Variants in HSPBP1 observed in about 807,000 individuals in gnomAD.
HSPBP1 encodes hsp70-binding protein 1.
In HSPBP1, 31 loss-of-function variants were observed where a neutral mutation model predicts 41.7. That is an observed-to-expected ratio of 0.74 (90% CI 0.56 to 1.00). The LOEUF (loss-of-function observed/expected upper bound fraction) is 1.00. Ranked by LOEUF, HSPBP1 falls within the 50% of genes least tolerant of loss-of-function variation. The pLI is 0.00. For synonymous variants in HSPBP1, 199 were observed against 214.4 expected (o/e 0.93, Z 0.63); for missense variants, 439 against 487.9 (o/e 0.90, Z 0.94).
rs1396102795 is a variant in HSPBP1 at position 55,277,692 on chromosome 19, C to A, written c.365G>T (p.Gly122Val). The A allele has an allele frequency of 1.9e-6, 3 of 1,605,636 alleles. No individual in the cohort carries two copies. In the Middle Eastern group the frequency reaches 5.9e-4, roughly 315 times the overall value. Residue 122 changes from glycine to valine, a missense_variant, in exon 3 of 8, where the codon GGG (glycine) becomes GTG (valine). Physicochemically the swap from Gly to Val is moderately radical, Grantham distance 109. Coordinates refer to ENST00000433386, the MANE Select transcript of HSPBP1 (RefSeq NM_012267.5). Reference protein sequence around the residue: ...EQAADQQEREGALELLADLCE... With the variant: ...EQAADQQEREVALELLADLCE... ...CAGGTCGGCCAGCAGCTCCAGGGCC[C>A]CCTCTCGCTCTTGCTGGTCGGCCGC...
At chr19:55,279,921 C>T (rs2088187709) in intron 1 of HSPBP1, 114 bp downstream of exon 1, 1 of 488,982 alleles carries the variant, frequency 2.0e-6, no homozygotes, top group Non-Finnish European at 3.7e-6. Flanking sequence ...CGTCCCGTCT[C>T]TTAGCAACCT....
chr19:55,279,286 C>T lies in HSPBP1; in HGVS notation c.210+113G>A, dbSNP rs186391062. ...AATGCCTCCACACCTGGTTTTCTGC[C>T]TCCCACCCAAGAAGACCCTAGTCTT... On this transcript the variant is annotated intron_variant, in intron 2 of 7. Transcript: ENST00000433386. 54 of 889,754 alleles carry T rather than the reference C, an allele frequency of 6.1e-5. No homozygotes were observed. The African/African-American group carries it at 9.1e-4, about 15-fold the overall frequency. 55.1% of individuals were successfully genotyped at this position (889,754 alleles called of 1,614,324 possible).
At position 55,265,874 on chromosome 19, in the gene HSPBP1, G is replaced by A. The variant is rs1381866543; in HGVS notation, c.893+12C>T. 1 of 1,591,556 alleles carries A rather than the reference G, an allele frequency of 6.3e-7. No individual in the cohort carries two copies. The highest frequency in any genetic ancestry group is 1.1e-5 in the South Asian group (1 of 87,836). On this transcript the variant is annotated intron_variant, in intron 6 of 7. Transcript: ENST00000433386. ...CCACCCCAGGCCCCGTCCTCTCAAGGAGCCAAAGTACCTGCACAGGGCTCC... is the reference window on the plus strand; with the variant it reads ...CCACCCCAGGCCCCGTCCTCTCAAGAAGCCAAAGTACCTGCACAGGGCTCC...
chr19:55,274,350 C>T, intron 4 of HSPBP1, 48 bp downstream of exon 4: 1 of 536,456 alleles, frequency 1.9e-6, no homozygotes, highest in Non-Finnish European at 3.3e-6. Context: ...ACCCGGCACC[C>T]CCCCCCACCG....
rs2087758658 is a variant in HSPBP1, at chr19:55,265,807, G to A, written c.893+79C>T. 6 of 922,116 alleles carry A rather than the reference G, an allele frequency of 6.5e-6. 1 individual carries two copies. The highest frequency in any genetic ancestry group is 2.2e-4 in the Middle Eastern group (1 of 4,592). 57.1% of individuals were successfully genotyped at this position (922,116 alleles called of 1,614,324 possible). On this transcript the variant is annotated intron_variant, in intron 6 of 7. Coordinates refer to ENST00000433386, the MANE Select transcript of HSPBP1 (RefSeq NM_012267.5). ...AGGTCCCAACTCCTGAGTCCCTACG[G>A]GCTGATTCCTGAGCCACCCCCACCT...
In HSPBP1 at chr19:55,277,735, C is replaced by A; in HGVS notation, c.322G>T (p.Ala108Ser). 1 of 1,607,914 alleles carries A rather than the reference C, an allele frequency of 6.2e-7. No individual in the cohort carries two copies. Among genetic ancestry groups the A allele is most frequent in the South Asian group, 1.1e-5 (1 of 89,908 alleles). Reference protein sequence around the residue: ...RVLSQPMPPTAGEAEQAADQQ... With the variant: ...RVLSQPMPPTSGEAEQAADQQ... The stretch of plus-strand genomic sequence containing the variant: ...TCGGCCGCCTGCTCGGCCTCCCCAG[C>A]AGTGGGGGGCATGGGCTGTGACAGC... Residue 108 changes from alanine (A) to serine (S), a missense_variant, in exon 3 of 8, where the codon GCT becomes TCT. Transcript: ENST00000433386.
At position 55,265,952 on chromosome 19, in the gene HSPBP1, T is replaced by G. The variant is rs2087762846; in HGVS notation, c.827A>C (p.Gln276Pro). The G allele has an allele frequency of 6.2e-7, 1 of 1,606,490 alleles. No homozygotes were observed. The highest frequency in any genetic ancestry group is 1.7e-4 in the Middle Eastern group (1 of 5,866). The change falls in exon 6 of 8, where the codon CAG becomes CCG. Residue 276 changes from glutamine (Q) to proline (P), a missense_variant. Transcript: ENST00000433386. ...GTLCSMGMVQ[Q>P]LVALVRTEHS... is the part of the protein sequence containing the mutation. ...CTCTGTCCGCACCAGGGCCACCAGC[T>G]GCTGGACCATCCCCATGGAGCACAG...
At chr19:55,266,368 AACC>A in intron 4 of HSPBP1, 82 bp from the exon 5 acceptor site, 5 of 1,169,320 alleles carry the variant, frequency 4.3e-6, no homozygotes, top group South Asian at 1.5e-5. Flanking sequence ...ACATCATCAC[AACC>A]ACCATCACCA....
Position 55,266,271 on chromosome 19 carries a change from T to C in HSPBP1, c.656A>G (p.Gln219Arg). ...GAGGAACTGCAGCAGCCCAGCCTCC[T>C]GCTCTCGGACCAGACCTGGGAGAGG... Reference protein sequence around the residue: ...LFAISCLVREQEAGLLQFLRL... With the variant: ...LFAISCLVREREAGLLQFLRL... Residue 219 changes from glutamine (Q) to arginine (R), a missense_variant, in exon 5 of 8, where the codon CAG becomes CGG. Gln to Arg is a conservative substitution (Grantham distance 43, BLOSUM62 1). Transcript: ENST00000433386. The C allele has an allele frequency of 6.3e-7, 1 of 1,578,766 alleles. No homozygotes were observed.
rs750223003 is a variant in HSPBP1 at position 55,265,386 on chromosome 19, C to A, written c.897G>T (p.Leu299=). The change falls in exon 7 of 8, where the codon CTG becomes CTT. Residue 299 remains leucine (L), a synonymous_variant. Coordinates refer to ENST00000433386, the MANE Select transcript of HSPBP1 (RefSeq NM_012267.5). ...GCACACCCTGCGGAAAGTCTGTCACCAGGCTGTGAGGGACATGACAGCGGC... is the reference window on the plus strand; with the variant it reads ...GCACACCCTGCGGAAAGTCTGTCACAAGGCTGTGAGGGACATGACAGCGGC... The part of the protein sequence containing the change: ...HEHVLGALCS[L]VTDFPQGVRE... 2.4e-5 allele frequency: 38 copies of A among 1,613,170 alleles called. No individual in the cohort carries two copies. Among genetic ancestry groups the A allele is most frequent in the Non-Finnish European group, 2.9e-5 (34 of 1,179,826 alleles).
At chr19:55,276,254 C>G (rs1377760559) in intron 3 of HSPBP1, among the ~76,000 whole-genome samples, 1 of 152,040 alleles carries the variant, frequency 6.6e-6, no homozygotes, top group African/African-American at 2.4e-5. Flanking sequence ...ACAGCCAAAA[C>G]GCTGATTAGT....
At chr19:55,266,536 C>A in intron 4 of HSPBP1, among the ~76,000 whole-genome samples, 1 of 151,238 alleles carries the variant, frequency 6.6e-6, no homozygotes, top group Non-Finnish European at 1.5e-5. Context: ...CCACCATCAT[C>A]ACCATGACAT....
At chr19:55,273,922 G>GAA (rs11408703) in intron 4 of HSPBP1, among the ~76,000 whole-genome samples, 19 of 148,052 alleles carry the variant, frequency 1.3e-4, no homozygotes, top group African/African-American at 1.5e-4. Context: ...TAGGTTAAAT[G>GAA]AAAAAAAAAA....
intron 7 of HSPBP1, among the ~76,000 whole-genome samples, 154 bp downstream of exon 7, chr19:55,265,124 G>A (rs532863087): frequency 1.5e-4 from 6 of 41,054 alleles, no homozygotes; most frequent in East Asian, 6.7e-4. Context: ...TCACCTCCCC[G>A]TGTACCTGGT....
At chr19:55,264,998 C>A (rs1028724253) in intron 7 of HSPBP1, among the ~76,000 whole-genome samples, 4 of 151,628 alleles carry the variant, frequency 2.6e-5, no homozygotes, top group Middle Eastern at 3.4e-3. Context: ...CCTCCTCACA[C>A]CCTGTCCCTT....
intron 4 of HSPBP1, among the ~76,000 whole-genome samples, chr19:55,266,994 A>T (rs1276205248): frequency 6.6e-6 from 1 of 152,200 alleles, no homozygotes; most frequent in East Asian, 1.9e-4. Flanking sequence ...TTCACTCAGC[A>T]TGATGTTTTC....
In HSPBP1 at chr19:55,262,668, G is replaced by C. The variant is rs867229993; in HGVS notation, c.1020C>G (p.Phe340Leu). The C allele has an allele frequency of 1.9e-6, 3 of 1,613,320 alleles. No individual in the cohort carries two copies. The highest frequency in any genetic ancestry group is 2.5e-6 in the Non-Finnish European group (3 of 1,179,676). The change falls in exon 8 of 8, where the codon TTC becomes TTG. Residue 340 changes from phenylalanine (F) to leucine (L), a missense_variant. Transcript: ENST00000433386. ...QHEEYQEELE[F>L]CEKLLQTCFS... ...AACAGGTCTGTAGCAGCTTTTCACA[G>C]AACTCCAGCTCCTCCTGGATTGGGC...
chr19:55,264,059 C>T (rs2087712485), intron 7 of HSPBP1, among the ~76,000 whole-genome samples: 1 of 151,730 alleles, frequency 6.6e-6, no homozygotes, highest in African/African-American at 2.4e-5. Flanking sequence ...CCTCCGCCTC[C>T]CCGGTTCAAG....
At position 55,265,973 on chromosome 19, in the gene HSPBP1, C is replaced by T; in HGVS notation, c.806G>A (p.Cys269Tyr). Reference protein sequence around the residue: ...VGHPEHKGTLCSMGMVQQLVA... With the variant: ...VGHPEHKGTLYSMGMVQQLVA... ...CAGCTGCTGGACCATCCCCATGGAGCACAGGGTCCCTGGGGGGAGGGCTGC... is the reference window on the plus strand; with the variant it reads ...CAGCTGCTGGACCATCCCCATGGAGTACAGGGTCCCTGGGGGGAGGGCTGC... The change falls in exon 6 of 8, where the codon TGC (cysteine) becomes TAC (tyrosine). Residue 269 changes from cysteine (C) to tyrosine (Y), a missense_variant. By Grantham distance (194) the Cys-to-Tyr change is radical. Coordinates refer to ENST00000433386, the MANE Select transcript of HSPBP1 (RefSeq NM_012267.5). The T allele has an allele frequency of 6.2e-7, 1 of 1,601,656 alleles. No individual in the cohort carries two copies. Among genetic ancestry groups the T allele is most frequent in the Non-Finnish European group, 8.5e-7 (1 of 1,175,602 alleles).
Sources: allele counts gnomAD v4.1 joint callset (sites outside exome capture counted in the v4.1 genomes callset), GRCh38; gene constraint gnomAD v4.1.1; transcripts MANE v1.5; gene names NCBI Gene and HGNC (gene_info 2026-07-23, HGNC 2026-07-21).